Variants in CEP85L observed in about 807,000 individuals in gnomAD.
CEP85L encodes centrosomal protein 85L.
In CEP85L, 60 loss-of-function variants were observed where a neutral mutation model predicts 100.3. That is an observed-to-expected ratio of 0.60 (90% CI 0.49 to 0.74). The LOEUF (loss-of-function observed/expected upper bound fraction) is 0.74. CEP85L is among the 30% of genes least tolerant of loss of function. The pLI is 0.00. For missense variants in CEP85L, 973 were observed against 936.2 expected, an observed-to-expected ratio of 1.04 and a Z score of -0.51; for synonymous variants, 319 against 322.7, an observed-to-expected ratio of 0.99 and a Z score of 0.12.
intron 3 of CEP85L, among the ~76,000 whole-genome samples, chr6:118,557,410 T>C (rs1778941497): frequency 6.6e-6 from 1 of 152,206 alleles, no homozygotes; most frequent in Non-Finnish European, 1.5e-5. Flanking sequence ...TTAAACCAAA[T>C]ACAGCAGGTC....
chr6:118,505,566 T>G (rs915336172), intron 5 of CEP85L, among the ~76,000 whole-genome samples: 1 of 151,862 alleles, frequency 6.6e-6, no homozygotes, highest in Non-Finnish European at 1.5e-5. Context: ...AAATGAACTA[T>G]CAAGCCATGA....
intron 3 of CEP85L, chr6:118,565,316 T>A (rs1779436735): frequency 3.5e-6 from 2 of 577,642 alleles, no homozygotes; most frequent in East Asian, 2.9e-5. Context: ...ACAAGCTAGG[T>A]ACAAGGTTTT....
chr6:118,622,934 T>C (rs562637617), intron 2 of CEP85L, among the ~76,000 whole-genome samples: 18 of 152,300 alleles, frequency 1.2e-4, no homozygotes, highest in Non-Finnish European at 1.8e-4. Context: ...AGCAACCCCC[T>C]CCAGGAGGTT....
intron 5 of CEP85L, 33 bp downstream of exon 5, chr6:118,511,265 C>T (rs773648699): frequency 2.2e-6 from 3 of 1,361,678 alleles, no homozygotes; most frequent in Admixed American, 1.7e-5. Context: ...AGCTTTACTA[C>T]TAAAACAGCT....
chr6:118,704,376 A>G (rs375689978), intron 1 of CEP85L, among the ~76,000 whole-genome samples: 2 of 152,206 alleles, frequency 1.3e-5, no homozygotes, highest in East Asian at 1.9e-4. Flanking sequence ...TGGACTCAAC[A>G]GACTGGTGGC....
At chr6:118,619,405 C>G (rs890585872) in intron 2 of CEP85L, among the ~76,000 whole-genome samples, 13 of 152,128 alleles carry the variant, frequency 8.5e-5, no homozygotes, top group African/African-American at 3.1e-4. Flanking sequence ...CCCTTATGTA[C>G]AGGCTTTCTT....
intron 2 of CEP85L, among the ~76,000 whole-genome samples, chr6:118,570,049 T>C (rs1779793155): frequency 6.6e-6 from 1 of 152,180 alleles, no homozygotes; most frequent in Non-Finnish European, 1.5e-5. Flanking sequence ...TATGTGAACA[T>C]ACATATCTAG....
intron 2 of CEP85L, among the ~76,000 whole-genome samples, chr6:118,580,070 T>C (rs556230740): frequency 1.3e-5 from 2 of 152,190 alleles, no homozygotes; most frequent in Non-Finnish European, 2.9e-5. Context: ...CCCAATCCCC[T>C]GGACTCTATG....
At chr6:118,480,611 A>G in intron 8 of CEP85L, 98 bp from the exon 9 acceptor site, 1 of 746,774 alleles carries the variant, frequency 1.3e-6, no homozygotes, top group Non-Finnish European at 2.2e-6. Flanking sequence ...AAAAAATATT[A>G]TAGACCCTAA....
intron 5 of CEP85L, among the ~76,000 whole-genome samples, chr6:118,494,064 C>A (rs1479068223): frequency 6.6e-6 from 1 of 152,116 alleles, no homozygotes; most frequent in Non-Finnish European, 1.5e-5. Context: ...AAACTGCTGC[C>A]TCCAAAACTG....
At chr6:118,621,958 C>T (rs866762836) in intron 2 of CEP85L, among the ~76,000 whole-genome samples, 3 of 152,106 alleles carry the variant, frequency 2.0e-5, no homozygotes, top group Non-Finnish European at 2.9e-5. Flanking sequence ...TATAACAGAC[C>T]CTAGTACATG....
chr6:118,498,260 G>A (rs985375072), intron 5 of CEP85L, among the ~76,000 whole-genome samples: 7 of 152,158 alleles, frequency 4.6e-5, no homozygotes, highest in Admixed American at 3.9e-4. Flanking sequence ...TTGAGAGGCT[G>A]AGGCAGGAGG....
At chr6:118,629,613 T>C (rs989404066) in intron 2 of CEP85L, among the ~76,000 whole-genome samples, 2 of 152,232 alleles carry the variant, frequency 1.3e-5, no homozygotes, top group African/African-American at 4.8e-5. Context: ...GACAGTTTGG[T>C]GGTTTTTTTA....
At chr6:118,500,673 C>A (rs969837696) in intron 5 of CEP85L, among the ~76,000 whole-genome samples, 2 of 152,148 alleles carry the variant, frequency 1.3e-5, no homozygotes, top group African/African-American at 4.8e-5. Context: ...CCACGTTCAC[C>A]CCCTTTGTTC....
At position 118,587,570 on chromosome 6, in the gene CEP85L, A is replaced by C. The variant is rs184740856; in HGVS notation, c.233-21254T>G. On this transcript the variant is annotated intron_variant, in intron 2 of 12. Coordinates refer to ENST00000368491, the MANE Select transcript of CEP85L (RefSeq NM_001042475.3). ...TGGCATGCTCTAAGTAACCAACTTGACTATAATGTAAAAAATAACACATGG... is the reference window on the plus strand; with the variant it reads ...TGGCATGCTCTAAGTAACCAACTTGCCTATAATGTAAAAAATAACACATGG... 2.6e-5 allele frequency among the ~76,000 whole-genome samples: 4 copies of C among 152,186 alleles called. No homozygotes were observed. In the East Asian group the frequency reaches 7.7e-4, roughly 29 times the overall value.
chr6:118,686,020 A>G (rs941441785), intron 1 of CEP85L, among the ~76,000 whole-genome samples: 4 of 152,136 alleles, frequency 2.6e-5, no homozygotes, highest in Non-Finnish European at 5.9e-5. Flanking sequence ...GAAAGAAAGG[A>G]ACTCGATTCA....
intron 3 of CEP85L, among the ~76,000 whole-genome samples, chr6:118,552,546 A>T (rs1169644354): frequency 1.3e-5 from 2 of 152,022 alleles, no homozygotes; most frequent in Non-Finnish European, 2.9e-5. Flanking sequence ...GCTTCCACCA[A>T]ACATGTTGCC....
rs141492235 is a variant in CEP85L, at chr6:118,556,321, T to A, written c.1020+9208A>T. Among the ~76,000 whole-genome samples the A allele has an allele frequency of 2.4e-3, 369 of 152,292 alleles. 1 individual carries two copies. The highest frequency in any genetic ancestry group is 8.5e-3 in the African/African-American group (353 of 41,566). ...AAAATACAGGTAGTTAATAACTCTT[T>A]AAGGAAAGAAAATTTGATAGAAGTT... is the stretch of plus-strand genomic sequence containing the variant. On this transcript the variant is annotated intron_variant, in intron 3 of 12. Transcript: ENST00000368491.
At position 118,537,633 on chromosome 6, in the gene CEP85L, T is replaced by TTGCCAAAATATGTCAC; in HGVS notation, c.1021-13729_1021-13714dup. ...GATGAGATCCGGATACTATGAAAAGTTGCCAAAATATGTCACTTAATGGCC... is the reference window on the plus strand; with the variant it reads ...GATGAGATCCGGATACTATGAAAAGTTGCCAAAATATGTCACTGCCAAAATATGTCACTTAATGGCC... On this transcript the variant is annotated intron_variant, in intron 3 of 12. Coordinates refer to ENST00000368491, the MANE Select transcript of CEP85L (RefSeq NM_001042475.3). 3.0e-6 allele frequency: 3 copies of TTGCCAAAATATGTCAC among 985,370 alleles called. No homozygotes were observed. The South Asian group carries it at 1.4e-4, about 46-fold the overall frequency. 61.0% of individuals were successfully genotyped at this position (985,370 alleles called of 1,614,324 possible).
Sources: allele counts gnomAD v4.1 joint callset (sites outside exome capture counted in the v4.1 genomes callset), GRCh38; gene constraint gnomAD v4.1.1; transcripts MANE v1.5; gene names NCBI Gene and HGNC (gene_info 2026-07-23, HGNC 2026-07-21).